The following SMG6 variants were observed in gnomAD, a reference collection of about 807,000 sequenced individuals.
SMG6 encodes telomerase-binding protein EST1A.
In SMG6, 66 loss-of-function variants were observed where a neutral mutation model predicts 142.2. The observed-to-expected ratio is 0.46, with a 90% CI of 0.38 to 0.57. The LOEUF (loss-of-function observed/expected upper bound fraction) is 0.57. SMG6 is among the 20% of genes least tolerant of loss of function. SMG6 has a pLI of 0.00. For missense variants in SMG6, 1,793 were observed against 1,832.0 expected (o/e 0.98, Z 0.39); for synonymous variants, 779 against 702.4 (o/e 1.11, Z -1.72).
chr17:2,129,236 G>C (rs558705399), intron 13 of SMG6, among the ~76,000 whole-genome samples: 6 of 152,226 alleles, frequency 3.9e-5, no homozygotes, highest in Admixed American at 3.3e-4. Flanking sequence ...TGAGGTGGGA[G>C]GGGCAAGCCC....
chr17:2,143,859 T>C (rs1476272507), intron 13 of SMG6, among the ~76,000 whole-genome samples: 1 of 152,160 alleles, frequency 6.6e-6, no homozygotes, highest in African/African-American at 2.4e-5. Flanking sequence ...TAGATTTTTT[T>C]CTCCACAACT....
At chr17:2,210,059 T>A (rs2072802255) in intron 10 of SMG6, among the ~76,000 whole-genome samples, 3 of 151,748 alleles carry the variant, frequency 2.0e-5, no homozygotes, top group Non-Finnish European at 4.4e-5. Context: ...AGAGAGGGGG[T>A]ATAAAGACTC....
chr17:2,126,043 G>A (rs1207994190), intron 13 of SMG6, among the ~76,000 whole-genome samples: 1 of 151,728 alleles, frequency 6.6e-6, no homozygotes, highest in Non-Finnish European at 1.5e-5. Context: ...AAGGGCTCAT[G>A]CTTCTGGATT....
intron 1 of SMG6, among the ~76,000 whole-genome samples, chr17:2,300,880 CCTAA>C (rs1417713558): frequency 6.6e-6 from 1 of 152,202 alleles, no homozygotes; most frequent in African/African-American, 2.4e-5. Flanking sequence ...AGGCTAAGGA[CCTAA>C]CTGTGTTGGG....
chr17:2,116,839 T>TG (rs1291585168), intron 13 of SMG6, among the ~76,000 whole-genome samples: 2 of 136,514 alleles, frequency 1.5e-5, no homozygotes, highest in Non-Finnish European at 3.1e-5. Flanking sequence ...TTCAGAATAC[T>TG]GGAAAAAAAA....
intron 8 of SMG6, among the ~76,000 whole-genome samples, chr17:2,245,527 G>T (rs216220): frequency 0.57 from 86,954 of 151,924 alleles, 26,174 homozygotes; most frequent in East Asian, 0.75. Flanking sequence ...TGGGATTACA[G>T]GCATGCACCC....
At chr17:2,293,619 G>A (rs1268019416) in intron 4 of SMG6, among the ~76,000 whole-genome samples, 5 of 152,028 alleles carry the variant, frequency 3.3e-5, no homozygotes, top group Admixed American at 2.0e-4. Context: ...ATAGGCATGC[G>A]CCACCATGCC....
chr17:2,188,570 C>A, intron 10 of SMG6, 55 bp from the exon 11 acceptor site: 1 of 1,467,066 alleles, frequency 6.8e-7, no homozygotes. Flanking sequence ...ATGCACATCA[C>A]TGGCCACGTT....
At chr17:2,203,776 T>A (rs1247488673) in intron 10 of SMG6, among the ~76,000 whole-genome samples, 1 of 152,114 alleles carries the variant, frequency 6.6e-6, no homozygotes, top group Non-Finnish European at 1.5e-5. Context: ...GACACACACC[T>A]TGAAACCCAC....
intron 10 of SMG6, among the ~76,000 whole-genome samples, chr17:2,209,720 C>T (rs970579410): frequency 6.6e-6 from 1 of 152,098 alleles, no homozygotes; most frequent in Non-Finnish European, 1.5e-5. Context: ...AGCCTGGTCT[C>T]GAACTCCTGA....
At chr17:2,239,493 G>A (rs992640796) in intron 9 of SMG6, among the ~76,000 whole-genome samples, 2 of 152,032 alleles carry the variant, frequency 1.3e-5, no homozygotes, top group Non-Finnish European at 2.9e-5. Context: ...GTTTTTTTAA[G>A]TTGTATTACA....
rs1480736228 is a variant in SMG6 at position 2,186,663 on chromosome 17, T to G, written c.3155A>C (p.His1052Pro). The G allele has an allele frequency of 5.0e-6, 8 of 1,614,030 alleles. No homozygotes were observed. Among genetic ancestry groups the G allele is most frequent in the Non-Finnish European group, 6.8e-6 (8 of 1,179,992 alleles). Residue 1052 changes from histidine to proline, a missense_variant and splice_region_variant, in exon 12 of 19, where the codon CAT (histidine) becomes CCT (proline). This residue lies in a region of SMG6 where 1,597 missense variants were observed against 1,584.6 expected (regional missense o/e 1.01). Coordinates refer to ENST00000263073, the MANE Select transcript of SMG6 (RefSeq NM_017575.5). ...TGAAGCAATGGGCAGGTCAACTCAC[T>G]GCGAGGGCAGATCCAGGGATGTGGG... ...PPPTSLDLPS[H>P]VAVDVWSTLA...
chr17:2,178,824 C>A (rs573570121), intron 12 of SMG6, among the ~76,000 whole-genome samples: 1 of 152,132 alleles, frequency 6.6e-6, no homozygotes, highest in Non-Finnish European at 1.5e-5. Context: ...TGAGTGGAGC[C>A]CTCGGCGGCC....
chr17:2,093,398 G>C (rs952314599), intron 13 of SMG6, among the ~76,000 whole-genome samples: 1 of 152,124 alleles, frequency 6.6e-6, no homozygotes, highest in African/African-American at 2.4e-5. Context: ...ACTCTAGCCA[G>C]GGTGACAGAG....
chr17:2,157,271 G>A (rs1178212417), intron 13 of SMG6, among the ~76,000 whole-genome samples: 2 of 152,346 alleles, frequency 1.3e-5, no homozygotes, highest in East Asian at 1.9e-4. Context: ...ACTAGTGCTG[G>A]TAGGGAACAG....
intron 17 of SMG6, 119 bp from the exon 18 acceptor site, chr17:2,065,273 G>A: frequency 2.0e-6 from 2 of 1,009,578 alleles, no homozygotes; most frequent in South Asian, 1.4e-5. Flanking sequence ...TCCCTCCCAT[G>A]CATGCGCTGG....
intron 13 of SMG6, among the ~76,000 whole-genome samples, chr17:2,138,814 T>C (rs2070384703): frequency 6.6e-6 from 1 of 152,256 alleles, no homozygotes; most frequent in African/African-American, 2.4e-5. Context: ...ATGTAGCCTC[T>C]TGGGATCTAA....
chr17:2,061,393 A>G lies in SMG6; in HGVS notation c.*99T>C. 2.5e-6 allele frequency: 3 copies of G among 1,204,656 alleles called. No individual in the cohort carries two copies. The highest frequency in any genetic ancestry group is 3.5e-6 in the Non-Finnish European group (3 of 867,052). 74.6% of individuals were successfully genotyped at this position (1,204,656 alleles called of 1,614,324 possible). On this transcript the variant is annotated 3_prime_UTR_variant, in exon 19 of 19. Coordinates refer to ENST00000263073, the MANE Select transcript of SMG6 (RefSeq NM_017575.5). ...AGAGGATGGTTTATTGTCTGGGTGG[A>G]TTGGTGGCTCAGGCACGTGGGCATC...
At chr17:2,165,840 G>C (rs964260386) in intron 13 of SMG6, among the ~76,000 whole-genome samples, 34 of 152,152 alleles carry the variant, frequency 2.2e-4, no homozygotes, top group African/African-American at 7.2e-4. Context: ...AGGAGGTCGA[G>C]ACTGCAGTGA....
Sources: allele counts gnomAD v4.1 joint callset (sites outside exome capture counted in the v4.1 genomes callset), GRCh38; gene constraint gnomAD v4.1.1; regional missense constraint gnomAD v4.1.1; transcripts MANE v1.5; gene names NCBI Gene and HGNC (gene_info 2026-07-23, HGNC 2026-07-21).